Variants in SNX8 observed in about 807,000 individuals in gnomAD.
SNX8 encodes sorting nexin-8.
In SNX8, 25 loss-of-function variants were observed where a neutral mutation model predicts 51.6. The ratio of observed to expected loss-of-function variants is 0.48; its 90% CI spans 0.35 to 0.68. The LOEUF (loss-of-function observed/expected upper bound fraction) is 0.68. SNX8 is among the 30% of genes least tolerant of loss of function. The pLI, the probability that SNX8 is intolerant of heterozygous loss-of-function variation, is 0.00. For synonymous variants in SNX8, 324 were observed against 277.0 expected (o/e 1.17, Z -1.68); for missense variants, 695 against 624.0 (o/e 1.11, Z -1.21).
upstream of SNX8, among the ~76,000 whole-genome samples, chr7:2,315,713 CTCA>C (rs1584735158): frequency 3.3e-5 from 5 of 151,060 alleles, no homozygotes; most frequent in East Asian, 9.8e-4. Context: ...CAGTCACTCA[CTCA>C]CTGCATCCTG....
rs1795747751 is a variant in SNX8, at chr7:2,275,181, G to A, written c.349C>T (p.Gln117Ter). The change falls in exon 3 of 11, where the codon CAG becomes TAG. Residue 117 changes from glutamine to a stop codon, truncating the protein, a stop_gained. Coordinates refer to ENST00000222990, the MANE Select transcript of SNX8 (RefSeq NM_013321.4). LOFTEE classifies it high-confidence loss of function. The part of the protein sequence containing the change: ...YRRYNDFVVF[Q>*]EMLLHKFPYR... ...GGGAACTTGTGCAGGAGCATCTCCT[G>A]GAAGACCACGAAGTCATTGTACCGT... 6.2e-7 allele frequency: 1 copy of A among 1,614,008 alleles called. No homozygotes were observed. Among genetic ancestry groups the A allele is most frequent in the South Asian group, 1.1e-5 (1 of 91,094 alleles).
At chr7:2,311,915 C>T (rs536756370) in intron 1 of SNX8, among the ~76,000 whole-genome samples, 5 of 150,722 alleles carry the variant, frequency 3.3e-5, no homozygotes, top group African/African-American at 9.8e-5. Context: ...CCAGCCTGGG[C>T]GACAGAGCGA....
chr7:2,326,155 G>A (rs1778618454), intron 1 of SNX8, among the ~76,000 whole-genome samples: 1 of 150,262 alleles, frequency 6.7e-6, no homozygotes, highest in South Asian at 2.1e-4. Context: ...GAGGAATTCA[G>A]GAGTTCAAGA....
rs1795202185 is a variant in SNX8, at chr7:2,257,034, A to T, written c.1135-11T>A. ...AATCGCGTTCTCCTGCTGCGGAGCA[A>T]ACAGCCGCCTTTCGCACCCGGCCCA... On this transcript the variant is annotated splice_polypyrimidine_tract_variant and intron_variant, in intron 9 of 10. Transcript: ENST00000222990. 1.3e-6 allele frequency: 2 copies of T among 1,592,498 alleles called. No individual in the cohort carries two copies. Among genetic ancestry groups the T allele is most frequent in the South Asian group, 1.1e-5 (1 of 89,540 alleles).
chr7:2,343,075 G>A (rs1778962510), intron 1 of SNX8, among the ~76,000 whole-genome samples: 1 of 151,688 alleles, frequency 6.6e-6, no homozygotes, highest in South Asian at 2.1e-4. Context: ...GATTACAGGT[G>A]TGAGCCACCA....
At chr7:2,312,451 T>C (rs1171198748) in intron 1 of SNX8, among the ~76,000 whole-genome samples, 1 of 152,204 alleles carries the variant, frequency 6.6e-6, no homozygotes, top group Non-Finnish European at 1.5e-5. Context: ...AGACTCACGC[T>C]GGCCTCCAAC....
intron 1 of SNX8, among the ~76,000 whole-genome samples, chr7:2,305,323 T>C (rs1019045150): frequency 6.6e-6 from 1 of 152,296 alleles, no homozygotes; most frequent in South Asian, 2.1e-4. Flanking sequence ...TACAAAATTA[T>C]CTTAGGAACC....
At position 2,254,450 on chromosome 7, in the gene SNX8, G is replaced by A. The variant is rs1055869613; in HGVS notation, c.*606C>T. 1 of 155,926 alleles carries A rather than the reference G, an allele frequency of 6.4e-6. No individual in the cohort carries two copies. Among genetic ancestry groups the A allele is most frequent in the Non-Finnish European group, 1.4e-5 (1 of 70,186 alleles). 9.7% of individuals were successfully genotyped at this position (155,926 alleles called of 1,614,324 possible). A position where few individuals can be genotyped will look rare whatever the true frequency, so the allele number is the denominator to read the frequency against. ...TGGTGTGGACACAGGCACACATGGGGTCATCATATGGGCACAGGGCATGAG... is the reference window on the plus strand; with the variant it reads ...TGGTGTGGACACAGGCACACATGGGATCATCATATGGGCACAGGGCATGAG... On this transcript the variant is annotated 3_prime_UTR_variant, in exon 11 of 11. Transcript: ENST00000222990.
At chr7:2,268,558 A>T (rs1413131466) in intron 5 of SNX8, among the ~76,000 whole-genome samples, 1 of 137,522 alleles carries the variant, frequency 7.3e-6, no homozygotes, top group African/African-American at 2.8e-5. Flanking sequence ...TGGGGGGGTC[A>T]GCCCCCCGCC....
rs778934841 is a variant in SNX8 at position 2,278,223 on chromosome 7, C to A, written c.177G>T (p.Gly59=). Residue 59 remains glycine, a synonymous_variant, in exon 2 of 11, where the codon GGG becomes GGT. Coordinates refer to ENST00000222990, the MANE Select transcript of SNX8 (RefSeq NM_013321.4). ...GGGTGTGGGACAGCAGCAGCGGGTT[C>A]CCCTGCGGCATCTGCATTCGACTGG... is the stretch of plus-strand genomic sequence containing the variant. ...PAPSRMQMPQ[G]NPLLLSHTLQ... 9.3e-6 allele frequency: 15 copies of A among 1,612,318 alleles called. No homozygotes were observed. Among genetic ancestry groups the A allele is most frequent in the Middle Eastern group, 1.6e-4 (1 of 6,078 alleles).
At chr7:2,270,349 G>C (rs565020535) in intron 4 of SNX8, among the ~76,000 whole-genome samples, 28 of 116,114 alleles carry the variant, frequency 2.4e-4, no homozygotes, top group Admixed American at 6.7e-4. Context: ...AAAGACCTGA[G>C]GCCCAGCATG....
intron 4 of SNX8, among the ~76,000 whole-genome samples, chr7:2,270,887 G>A (rs1435337211): frequency 6.6e-6 from 1 of 151,894 alleles, no homozygotes; most frequent in African/African-American, 2.4e-5. Flanking sequence ...CTGAAATAGA[G>A]GAGAGCCTGG....
chr7:2,268,597 T>TAG (rs1584679819), intron 5 of SNX8, among the ~76,000 whole-genome samples: 1 of 105,566 alleles, frequency 9.5e-6, no homozygotes, highest in Non-Finnish European at 2.0e-5. Context: ...GGGAGGGAGG[T>TAG]GGGGGGGTCA....
chr7:2,320,643 G>C (rs553693245), intron 1 of SNX8, among the ~76,000 whole-genome samples: 1 of 152,146 alleles, frequency 6.6e-6, no homozygotes, highest in Non-Finnish European at 1.5e-5. Context: ...AGGATCGCTT[G>C]AGCCTGGGAG....
chr7:2,304,737 C>T (rs533637285), intron 1 of SNX8, among the ~76,000 whole-genome samples: 2 of 152,006 alleles, frequency 1.3e-5, no homozygotes, highest in African/African-American at 4.8e-5. Flanking sequence ...GTGCACATGC[C>T]GTCCTGAGAT....
chr7:2,308,267 T>C (rs986811155), intron 1 of SNX8, among the ~76,000 whole-genome samples: 1 of 152,064 alleles, frequency 6.6e-6, no homozygotes, highest in African/African-American at 2.4e-5. Flanking sequence ...TTCTGTTTTC[T>C]GGAGAGAGCC....
chr7:2,287,130 T>C (rs1796048070), intron 1 of SNX8, among the ~76,000 whole-genome samples: 1 of 149,444 alleles, frequency 6.7e-6, no homozygotes, highest in Non-Finnish European at 1.5e-5. Flanking sequence ...AGAGTGAGAC[T>C]CTGTCTCAAA....
intron 1 of SNX8, among the ~76,000 whole-genome samples, chr7:2,294,909 G>A (rs1422036832): frequency 6.6e-6 from 1 of 151,884 alleles, no homozygotes; most frequent in African/African-American, 2.4e-5. Flanking sequence ...GCACACCTGT[G>A]GTCCCAGCTA....
At chr7:2,351,944 G>A (rs190396482) in intron 1 of SNX8, among the ~76,000 whole-genome samples, 6 of 112,842 alleles carry the variant, frequency 5.3e-5, no homozygotes, top group South Asian at 5.3e-4. Context: ...ATTTTTGCTC[G>A]TTGCCCAGGC....
Sources: allele counts gnomAD v4.1 joint callset (sites outside exome capture counted in the v4.1 genomes callset), GRCh38; gene constraint gnomAD v4.1.1; transcripts MANE v1.5; gene names NCBI Gene and HGNC (gene_info 2026-07-23, HGNC 2026-07-21).